LRRC8D: variants seen among roughly 807,000 people sequenced by gnomAD.
LRRC8D encodes the protein leucine rich repeat containing 8 VRAC subunit D.
LRRC8D carries 20 observed loss-of-function variants against 55.8 expected under a neutral mutation model. That is an observed-to-expected ratio of 0.36 (90% CI 0.25 to 0.52). LRRC8D has a LOEUF of 0.52. Among genes scored for constraint, LRRC8D ranks in the 20% least tolerant of loss-of-function variants. The pLI, the probability that LRRC8D is intolerant of heterozygous loss-of-function variation, is 0.93. For missense variants in LRRC8D, 651 were observed against 1,030.8 expected (o/e 0.63, Z 5.05); for synonymous variants, 352 against 377.0 (o/e 0.93, Z 0.77).
chr1:89,827,000 G>T (rs1210142592), intron 1 of LRRC8D, among the ~76,000 whole-genome samples: 1 of 152,134 alleles, frequency 6.6e-6, no homozygotes, highest in Non-Finnish European at 1.5e-5. Context: ...CCTTCATGTT[G>T]TTGTCCTGAC....
chr1:89,875,494 G>A (rs1232178364), intron 2 of LRRC8D, among the ~76,000 whole-genome samples: 4 of 152,090 alleles, frequency 2.6e-5, no homozygotes, highest in Admixed American at 2.6e-4. Context: ...GTGTTTCATG[G>A]ATATCTATTA....
rs907544541 is a variant in LRRC8D, at chr1:89,843,703, C to T, written c.-82C>T. On this transcript the variant is annotated 5_prime_UTR_variant, in exon 2 of 3. Coordinates refer to ENST00000337338, the MANE Select transcript of LRRC8D (RefSeq NM_001134479.2). Reference sequence around the variant, plus strand: ...ATGGAGGAGTGAAGTCTCCTGTCGCCGTGGTTCCAGCCTCCGGAGCTCGCC... The same window carrying T: ...ATGGAGGAGTGAAGTCTCCTGTCGCTGTGGTTCCAGCCTCCGGAGCTCGCC... 1.0e-5 allele frequency: 7 copies of T among 702,130 alleles called. No homozygotes were observed. The highest frequency in any genetic ancestry group is 4.0e-5 in the Admixed American group (2 of 49,990). 43.5% of individuals were successfully genotyped at this position (702,130 alleles called of 1,614,324 possible). A position where few individuals can be genotyped will look rare whatever the true frequency, so the allele number is the denominator to read the frequency against.
chr1:89,906,544 C>T (rs1453282915), intron 2 of LRRC8D, among the ~76,000 whole-genome samples: 1 of 152,218 alleles, frequency 6.6e-6, no homozygotes, highest in Non-Finnish European at 1.5e-5. Context: ...TTAAAGTAGA[C>T]TGTGACTGGC....
Position 89,934,709 on chromosome 1 carries a change from T to C in LRRC8D, c.1641T>C (p.Thr547=), listed in dbSNP as rs2101004963. The C allele has an allele frequency of 6.2e-7, 1 of 1,614,224 alleles. No homozygotes were observed. Residue 547 remains threonine (T), a synonymous_variant, in exon 3 of 3, where the codon ACT becomes ACC. Coordinates refer to ENST00000337338, the MANE Select transcript of LRRC8D (RefSeq NM_001134479.2). The surrounding 1 kb of genome is among the most constrained non-coding windows in gnomAD (Gnocchi z 5.9). The stretch of plus-strand genomic sequence containing the variant: ...TGAGATGCCTTCACGTGAAGTTCAC[T>C]GATGTGGCTGAAATTCCTGCCTGGG... ...DHLRCLHVKF[T]DVAEIPAWVY...
chr1:89,839,243 C>T (rs1265417557), intron 1 of LRRC8D, among the ~76,000 whole-genome samples: 1 of 152,152 alleles, frequency 6.6e-6, no homozygotes, highest in African/African-American at 2.4e-5. Flanking sequence ...TTCATTGAGG[C>T]AGGGCCTGTG....
intron 2 of LRRC8D, among the ~76,000 whole-genome samples, chr1:89,873,452 AG>A (rs1198021599): frequency 6.6e-6 from 1 of 152,344 alleles, no homozygotes; most frequent in East Asian, 1.9e-4. Flanking sequence ...AGCTGGAGGC[AG>A]CAAATGACTA....
At chr1:89,870,094 C>A (rs900434358) in intron 2 of LRRC8D, among the ~76,000 whole-genome samples, 2 of 151,672 alleles carry the variant, frequency 1.3e-5, no homozygotes, top group Non-Finnish European at 2.9e-5. Context: ...GGTGACAGAG[C>A]AAGACTCCGT....
At chr1:89,866,264 G>A (rs1215936264) in intron 2 of LRRC8D, among the ~76,000 whole-genome samples, 5 of 152,134 alleles carry the variant, frequency 3.3e-5, no homozygotes, top group African/African-American at 1.2e-4. Flanking sequence ...TCATTGCCGT[G>A]TGTGCTTATC....
intron 2 of LRRC8D, among the ~76,000 whole-genome samples, chr1:89,886,174 A>G (rs978072633): frequency 6.6e-6 from 1 of 152,186 alleles, no homozygotes; most frequent in Non-Finnish European, 1.5e-5. Context: ...TGCCTCATCC[A>G]TGGCAGTTAG....
chr1:89,928,472 A>G (rs1045679519), intron 2 of LRRC8D, among the ~76,000 whole-genome samples: 4 of 152,212 alleles, frequency 2.6e-5, no homozygotes, highest in African/African-American at 7.2e-5. Context: ...AGAAAAAAGA[A>G]AAATGGGCTG....
At chr1:89,909,274 T>G (rs1252450093) in intron 2 of LRRC8D, among the ~76,000 whole-genome samples, 3 of 152,038 alleles carry the variant, frequency 2.0e-5, no homozygotes, top group African/African-American at 7.2e-5. Context: ...TGGTTTTTCT[T>G]CTGCTTGTGA....
chr1:89,888,082 A>G (rs1486375760), intron 2 of LRRC8D, among the ~76,000 whole-genome samples: 1 of 152,200 alleles, frequency 6.6e-6, no homozygotes, highest in East Asian at 1.9e-4. Context: ...TTTAAAAGCC[A>G]TTTAGGAGGT....
At position 89,827,469 on chromosome 1, in the gene LRRC8D, G is replaced by A. The variant is rs544601476; in HGVS notation, c.-148+6178G>A. Among the ~76,000 whole-genome samples, 13 of 152,230 alleles carry A rather than the reference G, an allele frequency of 8.5e-5. No homozygotes were observed. The South Asian group carries it at 2.7e-3, about 32-fold the overall frequency. On this transcript the variant is annotated intron_variant, in intron 1 of 2. Coordinates refer to ENST00000337338, the MANE Select transcript of LRRC8D (RefSeq NM_001134479.2). ...TTCAGAAAGACACTAGAGCTGGAAT[G>A]ACCATTGTAATGATACCTACCTAGA...
At chr1:89,832,130 A>G (rs1000671569) in intron 1 of LRRC8D, among the ~76,000 whole-genome samples, 1 of 152,164 alleles carries the variant, frequency 6.6e-6, no homozygotes, top group Non-Finnish European at 1.5e-5. Context: ...TCAGACCTTT[A>G]CTGTGACCCC....
At chr1:89,835,307 A>G (rs1482118219) in intron 1 of LRRC8D, among the ~76,000 whole-genome samples, 1 of 152,166 alleles carries the variant, frequency 6.6e-6, no homozygotes, top group Non-Finnish European at 1.5e-5. Context: ...TTGTCCCTGT[A>G]TGGATGATTT....
At chr1:89,875,887 A>G (rs1662135996) in intron 2 of LRRC8D, among the ~76,000 whole-genome samples, 1 of 152,234 alleles carries the variant, frequency 6.6e-6, no homozygotes, top group Non-Finnish European at 1.5e-5. Context: ...CACAGCTAAT[A>G]ATGAATGAAT....
chr1:89,830,645 C>T (rs1451846857), intron 1 of LRRC8D, among the ~76,000 whole-genome samples: 3 of 152,132 alleles, frequency 2.0e-5, no homozygotes, highest in African/African-American at 7.2e-5. Context: ...AGAAGTGGGC[C>T]TGTTGAGCAG....
At chr1:89,842,998 T>C (rs1661173558) in intron 1 of LRRC8D, 1 of 152,270 alleles carries the variant, frequency 6.6e-6, no homozygotes, top group African/African-American at 2.4e-5. Flanking sequence ...TTGTTGTTAC[T>C]GTTTTGCAGT....
chr1:89,854,264 G>A (rs1661495818), intron 2 of LRRC8D, among the ~76,000 whole-genome samples: 1 of 152,204 alleles, frequency 6.6e-6, no homozygotes, highest in African/African-American at 2.4e-5. Context: ...GAGACAGCTG[G>A]AAGTTAGTAA....
Sources: allele counts gnomAD v4.1 joint callset (sites outside exome capture counted in the v4.1 genomes callset), GRCh38; gene constraint gnomAD v4.1.1; non-coding constraint Gnocchi (gnomAD v3.1); transcripts MANE v1.5; gene names NCBI Gene and HGNC (gene_info 2026-07-23, HGNC 2026-07-21).